The following CFAP299 variants were observed in gnomAD, a reference collection of about 807,000 sequenced individuals.
CFAP299 encodes the protein cilia- and flagella-associated protein 299.
A neutral mutation model predicts 27.0 loss-of-function variants in CFAP299; 21 were observed. That is an observed-to-expected ratio of 0.78 (90% CI 0.55 to 1.12). The LOEUF (loss-of-function observed/expected upper bound fraction) is 1.12, where lower values mean the gene tolerates loss of function less well. Among genes scored for constraint, CFAP299 ranks in the 50% most tolerant of loss-of-function variants. CFAP299 has a pLI of 0.00. For missense variants in CFAP299, 310 were observed against 276.6 expected, an observed-to-expected ratio of 1.12 and a Z score of -0.86; for synonymous variants, 104 against 98.1, an observed-to-expected ratio of 1.06 and a Z score of -0.36.
In CFAP299 at chr4:80,907,603, G is replaced by A. The variant is rs56397265; in HGVS notation, c.477-37207G>A. Among the ~76,000 whole-genome samples the A allele has an allele frequency of 3.6e-3, 550 of 152,222 alleles. 2 individuals carry two copies. The highest frequency in any genetic ancestry group is 0.012 in the African/African-American group (516 of 41,532). On this transcript the variant is annotated intron_variant, in intron 4 of 5. Transcript: ENST00000358105. ...GAAGCATGCACATCCTTCTTCACATGGCAGCAGGAAGGAGAATTGCAGAGT... is the reference window on the plus strand; with the variant it reads ...GAAGCATGCACATCCTTCTTCACATAGCAGCAGGAAGGAGAATTGCAGAGT...
rs1433933799 is a variant in CFAP299, at chr4:80,799,383, T to G, written c.334-70610T>G. Among the ~76,000 whole-genome samples the G allele has an allele frequency of 9.2e-5, 9 of 97,906 alleles. No individual in the cohort carries two copies. The East Asian group carries it at 2.6e-3, about 28-fold the overall frequency. 64.2% of individuals were successfully genotyped at this position (97,906 alleles called of 152,430 possible). A position where few individuals can be genotyped will look rare whatever the true frequency, so the allele number is the denominator to read the frequency against. On this transcript the variant is annotated intron_variant, in intron 3 of 5. Transcript: ENST00000358105. ...TATAATATTTATATATATAAATGTA[T>G]TTATATAATATTTATATATATTTAT...
chr4:80,676,009 G>A (rs1719428466), intron 3 of CFAP299, among the ~76,000 whole-genome samples: 1 of 152,054 alleles, frequency 6.6e-6, no homozygotes, highest in Admixed American at 6.5e-5. Flanking sequence ...GTGAGGCAAT[G>A]CCCTGCCCTG....
chr4:80,621,483 T>C (rs1738604295), intron 3 of CFAP299, among the ~76,000 whole-genome samples: 1 of 152,022 alleles, frequency 6.6e-6, no homozygotes, highest in Non-Finnish European at 1.5e-5. Context: ...CTTTGCACAC[T>C]CTTCTGACAC....
rs765782959 is a variant in CFAP299 at position 80,583,095 on chromosome 4, C to T, written c.245C>T (p.Thr82Met). 20 of 1,595,304 alleles carry T rather than the reference C, an allele frequency of 1.3e-5. No homozygotes were observed. The highest frequency in any genetic ancestry group is 4.0e-5 in the African/African-American group (3 of 74,144). Reference sequence around the variant, plus strand: ...AACTGAAGATCTGCCTTTTACAGGACGCTAACAAGTGCTGGTAAAGACCTA... The same window carrying T: ...AACTGAAGATCTGCCTTTTACAGGATGCTAACAAGTGCTGGTAAAGACCTA... ...ARLAERAQQK[T>M]LTSAGKDLQD... is the part of the protein sequence containing the mutation. The change falls in exon 3 of 6, where the codon ACG becomes ATG. Residue 82 changes from threonine to methionine, a missense_variant and splice_region_variant. Coordinates refer to ENST00000358105, the MANE Select transcript of CFAP299 (RefSeq NM_152770.3).
intron 1 of CFAP299, among the ~76,000 whole-genome samples, chr4:80,341,472 G>A (rs559942425): frequency 3.3e-5 from 5 of 152,274 alleles, no homozygotes; most frequent in Admixed American, 6.5e-5. Context: ...TGGAGCTCCC[G>A]GAGGAAGGAG....
At chr4:80,331,243 G>T (rs547914241), upstream of CFAP299, among the ~76,000 whole-genome samples, 3 of 152,188 alleles carry the variant, frequency 2.0e-5, no homozygotes, top group Non-Finnish European at 4.4e-5. Flanking sequence ...AACATGTAAC[G>T]TGTGCAGTAG....
chr4:80,708,793 C>G (rs755801368), intron 3 of CFAP299, among the ~76,000 whole-genome samples: 1 of 151,784 alleles, frequency 6.6e-6, no homozygotes. Flanking sequence ...AAAACTGATG[C>G]ATTATAAAAA....
chr4:80,343,799 T>TAAA (rs35187249), intron 1 of CFAP299, among the ~76,000 whole-genome samples: 7,040 of 75,194 alleles, frequency 0.094, 852 homozygotes, highest in African/African-American at 0.2. Context: ...AGACTCCGTC[T>TAAA]AAAAAAAAAA....
chr4:80,493,211 A>G (rs1016474295), intron 2 of CFAP299, among the ~76,000 whole-genome samples: 12 of 152,228 alleles, frequency 7.9e-5, no homozygotes, highest in Admixed American at 7.2e-4. Context: ...CAGTGCCACA[A>G]AAGAAATAGC....
chr4:80,529,602 T>G (rs1436324362), intron 2 of CFAP299, among the ~76,000 whole-genome samples: 1 of 152,190 alleles, frequency 6.6e-6, no homozygotes, highest in Non-Finnish European at 1.5e-5. Context: ...TATATATTTT[T>G]AATCCTGAAA....
At chr4:80,426,338 G>A (rs751975780) in intron 2 of CFAP299, among the ~76,000 whole-genome samples, 21 of 151,950 alleles carry the variant, frequency 1.4e-4, no homozygotes, top group Non-Finnish European at 2.6e-4. Flanking sequence ...GTTTTGCTAT[G>A]TTTTCTGGAA....
At chr4:80,851,257 A>G (rs941790318) in intron 3 of CFAP299, among the ~76,000 whole-genome samples, 1 of 152,176 alleles carries the variant, frequency 6.6e-6, no homozygotes, top group African/African-American at 2.4e-5. Context: ...TAAGAAATGT[A>G]TTAATTCCTT....
At chr4:80,469,747 T>A (rs1729889837) in intron 2 of CFAP299, among the ~76,000 whole-genome samples, 1 of 152,126 alleles carries the variant, frequency 6.6e-6, no homozygotes, top group African/African-American at 2.4e-5. Flanking sequence ...ATCATGCTGT[T>A]ATTTTTGCTT....
At chr4:80,715,086 G>A (rs1277065854) in intron 3 of CFAP299, among the ~76,000 whole-genome samples, 1 of 152,054 alleles carries the variant, frequency 6.6e-6, no homozygotes, top group African/African-American at 2.4e-5. Flanking sequence ...GTAGTTCCCT[G>A]TCTTACCCAA....
intron 2 of CFAP299, among the ~76,000 whole-genome samples, chr4:80,550,537 CTTG>C (rs1438156538): frequency 5.9e-5 from 9 of 151,984 alleles, no homozygotes; most frequent in African/African-American, 2.2e-4. Context: ...ATATCATCTT[CTTG>C]TTTAAGTGAT....
intron 2 of CFAP299, chr4:80,388,477 G>A (rs900613678): frequency 1.7e-6 from 2 of 1,184,618 alleles, no homozygotes; most frequent in Admixed American, 3.5e-5. Flanking sequence ...CCAGGTCGGG[G>A]GCATTTCTTT....
chr4:80,554,138 G>C (rs1472268811), intron 2 of CFAP299, among the ~76,000 whole-genome samples: 1 of 152,066 alleles, frequency 6.6e-6, no homozygotes, highest in Non-Finnish European at 1.5e-5. Flanking sequence ...TTACATTTAA[G>C]TCTTCAATCC....
At chr4:80,588,834 A>G (rs901138023) in intron 3 of CFAP299, among the ~76,000 whole-genome samples, 7 of 152,222 alleles carry the variant, frequency 4.6e-5, no homozygotes, top group Non-Finnish European at 8.8e-5. Context: ...AGTGCTTTAT[A>G]TCCTTGAACT....
intron 4 of CFAP299, among the ~76,000 whole-genome samples, chr4:80,880,236 A>C (rs1733624928): frequency 4.6e-5 from 7 of 152,148 alleles, no homozygotes; most frequent in Admixed American, 4.6e-4. Context: ...CCAAATTAGG[A>C]AGTCTTCTTG....
Sources: allele counts gnomAD v4.1 joint callset (sites outside exome capture counted in the v4.1 genomes callset), GRCh38; gene constraint gnomAD v4.1.1; transcripts MANE v1.5; gene names NCBI Gene and HGNC (gene_info 2026-07-23, HGNC 2026-07-21).